Variants in DTNB observed in about 807,000 individuals in gnomAD.
DTNB encodes dystrobrevin beta.
DTNB carries 63 observed loss-of-function variants against 90.7 expected under a neutral mutation model. That is an observed-to-expected ratio of 0.69 (90% CI 0.57 to 0.86). The LOEUF (loss-of-function observed/expected upper bound fraction) is 0.86, where lower values mean the gene tolerates loss of function less well. Ranked by LOEUF, DTNB falls within the 40% of genes least tolerant of loss-of-function variation. The pLI is 0.00. For missense variants in DTNB, 744 were observed against 807.1 expected, an observed-to-expected ratio of 0.92 and a Z score of 0.95; for synonymous variants, 277 against 286.7, an observed-to-expected ratio of 0.97 and a Z score of 0.34.
chr2:25,611,357 A>C (rs2068570402), intron 4 of DTNB, among the ~76,000 whole-genome samples: 1 of 152,230 alleles, frequency 6.6e-6, no homozygotes, highest in Admixed American at 6.5e-5. Flanking sequence ...AAAGAAAGAA[A>C]AAAAAGCTGC....
At chr2:25,576,659 G>A in intron 8 of DTNB, 179 bp downstream of exon 8, 1 of 738,046 alleles carries the variant, frequency 1.4e-6, no homozygotes. Context: ...TAAAAATTCT[G>A]CTTTTAAAAT....
intron 1 of DTNB, among the ~76,000 whole-genome samples, chr2:25,669,088 G>A (rs1041056992): frequency 3.3e-5 from 5 of 152,196 alleles, no homozygotes; most frequent in African/African-American, 9.7e-5. Context: ...CATAGAGACA[G>A]AAAGTAGAAT....
At chr2:25,490,806 T>C (rs1315718549) in intron 9 of DTNB, among the ~76,000 whole-genome samples, 4 of 152,168 alleles carry the variant, frequency 2.6e-5, no homozygotes, top group South Asian at 4.1e-4. Context: ...TCAGACACTT[T>C]AGAGCTTTAA....
intron 8 of DTNB, among the ~76,000 whole-genome samples, chr2:25,544,059 C>A (rs1328997342): frequency 6.6e-6 from 1 of 152,188 alleles, no homozygotes; most frequent in Non-Finnish European, 1.5e-5. Context: ...CTAGGAGGGA[C>A]AGCCACGGCA....
intron 9 of DTNB, among the ~76,000 whole-genome samples, chr2:25,523,897 CTTT>C (rs869167435): frequency 5.2e-5 from 6 of 115,836 alleles, no homozygotes; most frequent in Admixed American, 8.8e-5. Flanking sequence ...GTCATCTGTA[CTTT>C]TTTTTTTTTT....
chr2:25,628,315 G>T lies in DTNB; in HGVS notation c.218C>A (p.Thr73Asn), dbSNP rs757433195. Reference sequence around the variant, plus strand: ...GAGGCGGGACACACTGATCTCGGTGGTATGGTCCAGTGTATTAAGGCCATT... The same window carrying T: ...GAGGCGGGACACACTGATCTCGGTGTTATGGTCCAGTGTATTAAGGCCATT... Reference protein sequence around the residue: ...RDNGLNTLDHTTEISVSRLET... With the variant: ...RDNGLNTLDHNTEISVSRLET... The change falls in exon 4 of 21, where the codon ACC becomes AAC. Residue 73 changes from threonine (T) to asparagine (N), a missense_variant. By Grantham distance (65) the Thr-to-Asn change is moderately conservative. Transcript: ENST00000406818. 2 of 1,613,510 alleles carry T rather than the reference G, an allele frequency of 1.2e-6. No individual in the cohort carries two copies. Among genetic ancestry groups the T allele is most frequent in the African/African-American group, 2.7e-5 (2 of 74,798 alleles).
chr2:25,404,847 C>T (rs1016850597), intron 16 of DTNB, among the ~76,000 whole-genome samples: 1 of 152,068 alleles, frequency 6.6e-6, no homozygotes, highest in Non-Finnish European at 1.5e-5. Context: ...AAGAGTGAAA[C>T]TCTGTCTCAA....
At position 25,642,729 on chromosome 2, in the gene DTNB, A is replaced by G. The variant is rs1046883002; in HGVS notation, c.68-3635T>C. On this transcript the variant is annotated intron_variant, in intron 2 of 20. Transcript: ENST00000406818. ...GCCTGGCCTGGAATCTTCATTTTTA[A>G]CAAGTGCCCCAGTAGAGTGTTTTTG... Among the ~76,000 whole-genome samples, 8 of 151,984 alleles carry G rather than the reference A, an allele frequency of 5.3e-5. No individual in the cohort carries two copies. The East Asian group carries it at 1.5e-3, about 29-fold the overall frequency.
At chr2:25,505,073 T>C (rs544046827) in intron 9 of DTNB, among the ~76,000 whole-genome samples, 5 of 152,344 alleles carry the variant, frequency 3.3e-5, no homozygotes, top group South Asian at 2.1e-4. Flanking sequence ...TCTGAAATGA[T>C]TGGCTTTGAA....
chr2:25,611,461 A>G (rs536368971), intron 4 of DTNB, among the ~76,000 whole-genome samples: 1 of 152,344 alleles, frequency 6.6e-6, no homozygotes, highest in South Asian at 2.1e-4. Flanking sequence ...AATTGTTTCC[A>G]GGACCCCTGC....
At chr2:25,558,111 C>G in intron 8 of DTNB, 10 of 806,562 alleles carry the variant, frequency 1.2e-5, no homozygotes, top group Non-Finnish European at 1.5e-5. Flanking sequence ...AAAGGCGATC[C>G]AAAGGCTTAA....
At chr2:25,412,910 T>C (rs1014409539) in intron 16 of DTNB, among the ~76,000 whole-genome samples, 1 of 152,216 alleles carries the variant, frequency 6.6e-6, no homozygotes, top group Non-Finnish European at 1.5e-5. Context: ...ATAAACACCA[T>C]TGCCAGTAGG....
At chr2:25,512,907 G>A (rs562139754) in intron 9 of DTNB, among the ~76,000 whole-genome samples, 1 of 152,194 alleles carries the variant, frequency 6.6e-6, no homozygotes, top group Non-Finnish European at 1.5e-5. Context: ...AAGTAAGGTG[G>A]GTCCCGATTA....
At chr2:25,518,655 C>T (rs562119455) in intron 9 of DTNB, among the ~76,000 whole-genome samples, 14 of 152,208 alleles carry the variant, frequency 9.2e-5, no homozygotes, top group African/African-American at 3.4e-4. Flanking sequence ...AAACGTTATC[C>T]TATTTCTAGG....
At chr2:25,609,657 T>TATACACAC (rs1427269065) in intron 4 of DTNB, among the ~76,000 whole-genome samples, 4 of 127,076 alleles carry the variant, frequency 3.1e-5, no homozygotes, top group South Asian at 2.5e-4. Flanking sequence ...TAATAGAATG[T>TATACACAC]ACACACACAC....
At chr2:25,442,060 G>T (rs1035610845) in intron 12 of DTNB, among the ~76,000 whole-genome samples, 1 of 152,106 alleles carries the variant, frequency 6.6e-6, no homozygotes, top group Non-Finnish European at 1.5e-5. Context: ...TAAGCCCAGA[G>T]ATTTGGCTCA....
intron 4 of DTNB, among the ~76,000 whole-genome samples, chr2:25,621,699 C>T (rs1156630293): frequency 6.7e-6 from 1 of 150,076 alleles, no homozygotes; most frequent in Non-Finnish European, 1.5e-5. Flanking sequence ...TCAGGTGATC[C>T]GCCTGTCTCA....
At chr2:25,515,184 A>C (rs182716995) in intron 9 of DTNB, among the ~76,000 whole-genome samples, 5 of 152,310 alleles carry the variant, frequency 3.3e-5, no homozygotes, top group Admixed American at 2.6e-4. Flanking sequence ...CACCGAAAAA[A>C]AACAAGGGAG....
intron 2 of DTNB, among the ~76,000 whole-genome samples, chr2:25,640,780 G>A (rs2078114810): frequency 6.6e-6 from 1 of 152,032 alleles, no homozygotes; most frequent in Non-Finnish European, 1.5e-5. Context: ...GCTGAGGCGG[G>A]CGGATCACAA....
Sources: gnomAD v4.1 joint callset for allele counts (sites outside exome capture counted in the v4.1 genomes callset) on GRCh38, gnomAD v4.1.1 for gene constraint, MANE v1.5 for transcripts, NCBI Gene and HGNC (gene_info 2026-07-23, HGNC 2026-07-21) for gene names.